The following ACSM6 variants were observed in gnomAD, a reference collection of about 807,000 sequenced individuals.
ACSM6 encodes the protein acyl-CoA synthetase medium chain family member 6, also known as acyl-coenzyme A synthetase ACSM6, mitochondrial.
ACSM6 carries 35 observed loss-of-function variants against 51.1 expected under a neutral mutation model. The ratio of observed to expected loss-of-function variants is 0.69; its 90% CI spans 0.52 to 0.91. The LOEUF (loss-of-function observed/expected upper bound fraction) is 0.91, where lower values mean the gene tolerates loss of function less well. Ranked by LOEUF, ACSM6 falls within the 40% of genes least tolerant of loss-of-function variation. ACSM6 has a pLI of 0.00. For synonymous variants in ACSM6, 172 were observed against 207.3 expected, an observed-to-expected ratio of 0.83 and a Z score of 1.46; for missense variants, 509 against 584.1, an observed-to-expected ratio of 0.87 and a Z score of 1.32.
intron 4 of ACSM6, among the ~76,000 whole-genome samples, chr10:95,209,925 G>C (rs1300746631): frequency 6.6e-6 from 1 of 152,050 alleles, no homozygotes; most frequent in East Asian, 1.9e-4. Flanking sequence ...TGGGCTGACA[G>C]GTAAGGTGAG....
chr10:95,215,335 T>C (rs898332279), intron 8 of ACSM6, among the ~76,000 whole-genome samples: 1 of 151,778 alleles, frequency 6.6e-6, no homozygotes, highest in African/African-American at 2.4e-5. Flanking sequence ...GAAGAAAGAG[T>C]AGATTATGAA....
At chr10:95,214,462 C>A (rs2034924526) in intron 7 of ACSM6, among the ~76,000 whole-genome samples, 6 of 152,174 alleles carry the variant, frequency 3.9e-5, no homozygotes, top group Admixed American at 3.9e-4. Flanking sequence ...GCTCTCTTTC[C>A]ACCTCCAGAC....
chr10:95,196,039 T>C (rs1051804985), intron 2 of ACSM6, among the ~76,000 whole-genome samples: 8 of 149,226 alleles, frequency 5.4e-5, no homozygotes, highest in African/African-American at 2.0e-4. Context: ...CCTGTGCTGC[T>C]TTCTCTCTCC....
intron 3 of ACSM6, 87 bp from the exon 4 acceptor site, chr10:95,207,121 G>T: frequency 1.6e-6 from 2 of 1,256,910 alleles, no homozygotes; most frequent in Non-Finnish European, 2.3e-6. Context: ...GTAACCCAGA[G>T]ACCTCATCCA....
chr10:95,201,772 C>G, intron 2 of ACSM6: 1 of 590,858 alleles, frequency 1.7e-6, no homozygotes, highest in Middle Eastern at 4.6e-4. Context: ...TCCCTAGGCT[C>G]ATGCCTGACA....
exon 11 of ACSM6, chr10:95,228,849 C>T: frequency 1.5e-6 from 2 of 1,365,274 alleles, no homozygotes; most frequent in Non-Finnish European, 1.9e-6. Flanking sequence ...GGACTGCTTC[C>T]AATACGTAGG....
At chr10:95,214,964 C>A in exon 8 of ACSM6, 1 of 1,551,520 alleles carries the variant, frequency 6.4e-7, no homozygotes, top group South Asian at 1.2e-5. Flanking sequence ...AGGCTATGGG[C>A]AGACGGAAAC....
intron 2 of ACSM6, among the ~76,000 whole-genome samples, chr10:95,195,593 G>A (rs961893999): frequency 6.6e-6 from 1 of 152,140 alleles, no homozygotes; most frequent in Admixed American, 6.5e-5. Flanking sequence ...CTGTCAAGTG[G>A]GGCTGGTGGT....
intron 4 of ACSM6, among the ~76,000 whole-genome samples, chr10:95,209,899 G>C (rs545257298): frequency 2.0e-5 from 3 of 151,778 alleles, no homozygotes; most frequent in Non-Finnish European, 4.4e-5. Context: ...AGTTTTATTG[G>C]AACCAGGGAC....
At chr10:95,226,615 T>C (rs760516370) in intron 10 of ACSM6, among the ~76,000 whole-genome samples, 1 of 152,176 alleles carries the variant, frequency 6.6e-6, no homozygotes, top group Admixed American at 6.5e-5. Flanking sequence ...AGAACGGTGA[T>C]TTTCAAACTG....
chr10:95,216,917 C>T (rs2034950652), intron 8 of ACSM6, among the ~76,000 whole-genome samples: 1 of 152,132 alleles, frequency 6.6e-6, no homozygotes, highest in South Asian at 2.1e-4. Context: ...GTTCCTGCAA[C>T]ATGAGGATGA....
intron 9 of ACSM6, among the ~76,000 whole-genome samples, chr10:95,222,248 A>G (rs1379360261): frequency 1.3e-5 from 2 of 152,192 alleles, no homozygotes; most frequent in Admixed American, 1.3e-4. Flanking sequence ...CAAATTTAAC[A>G]AAGTTTCAGG....
At position 95,228,741 on chromosome 10, in the gene ACSM6, G is replaced by A. The variant is rs1033096016; in HGVS notation, c.1400G>A (p.Gly467Asp). Residue 467 changes from glycine to aspartate, a missense_variant, in exon 11 of 11, where the codon GGT becomes GAT. Transcript: ENST00000341686. The stretch of plus-strand genomic sequence containing the variant: ...GAAGACGGCTACTTCTGGTGGTCTG[G>A]TAGAGTTGATGATGTTGCCAATGCA... 3.2e-6 allele frequency: 5 copies of A among 1,551,782 alleles called. No homozygotes were observed. In the Admixed American group the frequency reaches 5.9e-5, roughly 18 times the overall value.
rs2034810787 is a variant in ACSM6 at position 95,203,150 on chromosome 10, CATAG to C, written c.403+956_403+959del. On this transcript the variant is annotated intron_variant, in intron 3 of 10. Coordinates refer to ENST00000341686, the Ensembl canonical transcript of ACSM6. ...CAGATCAGAGGTGGCATTAGATTCTCATAGGAGCGCAAATCCTATTGTGAACTGT... is the reference window on the plus strand; with the variant it reads ...CAGATCAGAGGTGGCATTAGATTCTCGAGCGCAAATCCTATTGTGAACTGT... Among the ~76,000 whole-genome samples, 3 of 152,094 alleles carry C rather than the reference CATAG, an allele frequency of 2.0e-5. No homozygotes were observed. The South Asian group carries it at 6.2e-4, about 32-fold the overall frequency.
intron 10 of ACSM6, chr10:95,228,339 T>A: frequency 4.0e-6 from 1 of 249,686 alleles, no homozygotes; most frequent in Non-Finnish European, 7.6e-6. Flanking sequence ...ATACTGTACC[T>A]GGCCTTGTGC....
intron 2 of ACSM6, among the ~76,000 whole-genome samples, chr10:95,196,380 C>G (rs1340600139): frequency 2.6e-5 from 4 of 152,216 alleles, no homozygotes; most frequent in Non-Finnish European, 4.4e-5. Context: ...CATTGGTTGT[C>G]TGAAGTCACT....
chr10:95,225,378 A>G (rs2035028113), exon 10 of ACSM6: 2 of 1,549,388 alleles, frequency 1.3e-6, no homozygotes, highest in Non-Finnish European at 1.7e-6. Flanking sequence ...GCTTCTCTGT[A>G]CTGTCCACAC....
exon 6 of ACSM6, chr10:95,211,912 T>C (rs1444029704): frequency 1.9e-6 from 3 of 1,612,816 alleles, no homozygotes; most frequent in Non-Finnish European, 2.5e-6. Flanking sequence ...AGATGTCTTG[T>C]GGAGTCTGGG....
At chr10:95,216,017 C>CT (rs1321839217) in intron 8 of ACSM6, among the ~76,000 whole-genome samples, 1 of 152,204 alleles carries the variant, frequency 6.6e-6, no homozygotes, top group Non-Finnish European at 1.5e-5. Context: ...CAGCCTCAAA[C>CT]TCCTGGGATC....
Sources: gnomAD v4.1 joint callset for allele counts (sites outside exome capture counted in the v4.1 genomes callset) on GRCh38, gnomAD v4.1.1 for gene constraint, MANE v1.5 for transcripts, NCBI Gene and HGNC (gene_info 2026-07-23, HGNC 2026-07-21) for gene names.